Variants in UNC79 observed in about 807,000 individuals in gnomAD.
UNC79 encodes the protein unc-79 subunit of NALCN channel complex, also known as protein unc-79 homolog.
UNC79 carries 37 observed loss-of-function variants against 283.1 expected under a neutral mutation model. The observed-to-expected ratio is 0.13, with a 90% CI of 0.10 to 0.17. UNC79 has a LOEUF of 0.17. Among genes scored for constraint, UNC79 ranks in the 10% least tolerant of loss-of-function variants. The pLI, the probability that UNC79 is intolerant of heterozygous loss-of-function variation, is 1.00. For synonymous variants in UNC79, 1,107 were observed against 1,200.2 expected, an observed-to-expected ratio of 0.92 and a Z score of 1.61; for missense variants, 2,272 against 3,211.1, an observed-to-expected ratio of 0.71 and a Z score of 7.07.
At chr14:93,616,606 A>G (rs920403387) in intron 27 of UNC79, among the ~76,000 whole-genome samples, 2 of 152,024 alleles carry the variant, frequency 1.3e-5, no homozygotes, top group Non-Finnish European at 2.9e-5. Context: ...CAAGCAATCT[A>G]TCTGCCTCAG....
chr14:93,644,545 T>C (rs902152115), intron 34 of UNC79, among the ~76,000 whole-genome samples: 1 of 152,064 alleles, frequency 6.6e-6, no homozygotes, highest in African/African-American at 2.4e-5. Flanking sequence ...CCAAATAAGA[T>C]AGGGTGTGAT....
chr14:93,646,662 G>A lies in UNC79; in HGVS notation c.6083+16G>A. On this transcript the variant is annotated intron_variant, in intron 35 of 48. Coordinates refer to ENST00000555664, the Ensembl canonical transcript of UNC79. Reference sequence around the variant, plus strand: ...AAGCAGAAAGGTAAGGTCCTAACGGGAGCCCAGATCTCACTTTCTTTTCTC... The same window carrying A: ...AAGCAGAAAGGTAAGGTCCTAACGGAAGCCCAGATCTCACTTTCTTTTCTC... 1.2e-6 allele frequency: 2 copies of A among 1,613,274 alleles called. No individual in the cohort carries two copies. The highest frequency in any genetic ancestry group is 1.7e-6 in the Non-Finnish European group (2 of 1,179,618).
At chr14:93,532,625 G>T in intron 11 of UNC79, 47 bp downstream of exon 11, 1 of 1,602,998 alleles carries the variant, frequency 6.2e-7, no homozygotes, top group Non-Finnish European at 8.5e-7. Flanking sequence ...TATTGTGTTT[G>T]TATGTAAATT....
At chr14:93,598,382 GTGTGTGTGTGTGTGTGTGTGTGTGTGT>G (rs2065236107) in intron 24 of UNC79, among the ~76,000 whole-genome samples, 2 of 151,496 alleles carry the variant, frequency 1.3e-5, no homozygotes, top group Non-Finnish European at 3.0e-5. Flanking sequence ...GTGTGTGTGT[GTGTGTGTGTGTGTGTGTGTGTGTGTGT>G]GGCAGATTTT....
chr14:93,690,890 T>G lies in UNC79; in HGVS notation c.7272+587T>G, dbSNP rs1233597066. ...AGCCTGTGCAGGCAAACCGGACACA[T>G]TGGTACTAATCAGCTCCGAGGAGCC... On this transcript the variant is annotated intron_variant, in intron 45 of 48. Coordinates refer to ENST00000555664, the Ensembl canonical transcript of UNC79. The surrounding 1 kb of genome is among the most constrained non-coding windows in gnomAD (Gnocchi z 4.3). 2 of 154,488 alleles carry G rather than the reference T, an allele frequency of 1.3e-5. No individual in the cohort carries two copies. The highest frequency in any genetic ancestry group is 2.9e-5 in the Non-Finnish European group (2 of 69,666). 9.6% of individuals were successfully genotyped at this position (154,488 alleles called of 1,614,324 possible).
chr14:93,434,236 GAA>G (rs1415372253), intron 1 of UNC79, among the ~76,000 whole-genome samples: 1 of 151,158 alleles, frequency 6.6e-6, no homozygotes, highest in Non-Finnish European at 1.5e-5. Context: ...AAAAAGAAAA[GAA>G]AAAAAAGAAG....
intron 47 of UNC79, 53 bp downstream of exon 50, chr14:93,694,465 G>A (rs1302135762): frequency 5.4e-6 from 8 of 1,492,110 alleles, no homozygotes; most frequent in Non-Finnish European, 6.5e-6. Flanking sequence ...AAAAACAAAT[G>A]TGGATTTATG....
intron 1 of UNC79, among the ~76,000 whole-genome samples, chr14:93,457,041 G>A (rs1421793907): frequency 6.6e-6 from 1 of 152,200 alleles, no homozygotes; most frequent in Non-Finnish European, 1.5e-5. Flanking sequence ...CCTATGAGTA[G>A]TAGGAAGAGG....
chr14:93,635,707 A>G (rs960781441), intron 31 of UNC79, among the ~76,000 whole-genome samples: 9 of 152,162 alleles, frequency 5.9e-5, no homozygotes, highest in African/African-American at 1.9e-4. Context: ...GATAGTTTCA[A>G]CTCTCCTGGA....
rs144020175 is a variant in UNC79, at chr14:93,672,892, G to A, written c.6637-459G>A. On this transcript the variant is annotated intron_variant, in intron 40 of 48. Coordinates refer to ENST00000555664, the Ensembl canonical transcript of UNC79. ...TGTGATCTGACAAAGAGGGTGGTAGGTGCATACTGTATTCCATTCTCTCCA... is the reference window on the plus strand; with the variant it reads ...TGTGATCTGACAAAGAGGGTGGTAGATGCATACTGTATTCCATTCTCTCCA... Among the ~76,000 whole-genome samples, 446 of 152,330 alleles carry A rather than the reference G, an allele frequency of 2.9e-3. 1 individual carries two copies. Among genetic ancestry groups the A allele is most frequent in the African/African-American group, 0.01 (436 of 41,564 alleles).
At chr14:93,342,337 C>T (rs960024527) in intron 1 of UNC79, among the ~76,000 whole-genome samples, 1 of 152,236 alleles carries the variant, frequency 6.6e-6, no homozygotes, top group Non-Finnish European at 1.5e-5. Flanking sequence ...CAAGCTCTAC[C>T]TTGATCCTTT....
chr14:93,514,187 CA>C (rs1165626962), intron 7 of UNC79, among the ~76,000 whole-genome samples: 1 of 152,056 alleles, frequency 6.6e-6, no homozygotes, highest in Non-Finnish European at 1.5e-5. Flanking sequence ...AGCTTCTAGC[CA>C]GTCTAACCAG....
intron 1 of UNC79, among the ~76,000 whole-genome samples, chr14:93,368,086 G>A (rs547348259): frequency 6.6e-6 from 1 of 152,090 alleles, no homozygotes; most frequent in Non-Finnish European, 1.5e-5. Flanking sequence ...CTTATCCTGG[G>A]ACCTTTAGTT....
chr14:93,527,107 T>TA (rs1009362896), intron 8 of UNC79, among the ~76,000 whole-genome samples: 1 of 152,232 alleles, frequency 6.6e-6, no homozygotes, highest in Non-Finnish European at 1.5e-5. Flanking sequence ...TGTTGGAACT[T>TA]AAAGTTTACG....
At chr14:93,455,563 C>G (rs1017669786) in intron 1 of UNC79, among the ~76,000 whole-genome samples, 4 of 151,896 alleles carry the variant, frequency 2.6e-5, no homozygotes, top group Non-Finnish European at 5.9e-5. Context: ...TGTCTTATAT[C>G]TTCTTTACTC....
chr14:93,582,373 C>T (rs202012032), intron 20 of UNC79, 29 bp downstream of exon 20: 294 of 1,607,888 alleles, frequency 1.8e-4, no homozygotes, highest in Admixed American at 3.9e-4. Context: ...CCGGGGAATG[C>T]GCCACGTGCA....
At chr14:93,643,882 G>A (rs1269059126) in intron 34 of UNC79, among the ~76,000 whole-genome samples, 185 bp downstream of exon 37, 12 of 152,296 alleles carry the variant, frequency 7.9e-5, no homozygotes, top group South Asian at 2.1e-4. Flanking sequence ...CTCCAGCTGC[G>A]TAGGGTCATG....
chr14:93,474,211 C>A lies in UNC79; in HGVS notation c.266C>A (p.Ser89Tyr), dbSNP rs1451548063. 1.3e-6 allele frequency: 2 copies of A among 1,535,980 alleles called. No individual in the cohort carries two copies. Among genetic ancestry groups the A allele is most frequent in the African/African-American group, 2.7e-5 (2 of 73,050 alleles). ...CCATCTCTAAGACCGCAGGTCAGTT[C>A]CATCAACCCTACTGTTACTCGCTCC... Residue 89 changes from serine to tyrosine, a missense_variant, in exon 3 of 49, where the codon TCC becomes TAC. Ser to Tyr is a moderately radical substitution (Grantham distance 144). This residue lies in a region of UNC79 where 194 missense variants were observed against 268.9 expected (regional missense o/e 0.72). Transcript: ENST00000555664. This position sits in a 1 kb window ranked among gnomAD's most constrained non-coding sequence, Gnocchi z 4.1.
At chr14:93,514,850 A>G (rs887943647) in intron 7 of UNC79, among the ~76,000 whole-genome samples, 1 of 152,200 alleles carries the variant, frequency 6.6e-6, no homozygotes, top group African/African-American at 2.4e-5. Flanking sequence ...TGCTGTATCT[A>G]TGCCCAATGT....
Sources: gnomAD v4.1 joint callset for allele counts (sites outside exome capture counted in the v4.1 genomes callset) on GRCh38, gnomAD v4.1.1 for gene constraint, gnomAD v4.1.1 regional missense constraint, Gnocchi (gnomAD v3.1) non-coding constraint, MANE v1.5 for transcripts, NCBI Gene and HGNC (gene_info 2026-07-23, HGNC 2026-07-21) for gene names.